GALNT13: variants seen among roughly 807,000 people sequenced by gnomAD.
The protein encoded by GALNT13 is UDP-GalNAc:polypeptide N-acetylgalactosaminyltransferase 13.
In GALNT13, 28 loss-of-function variants were observed where a neutral mutation model predicts 64.2. That is an observed-to-expected ratio of 0.44 (90% confidence interval 0.32 to 0.60). The LOEUF is 0.60. Ranked by LOEUF, GALNT13 falls within the 20% of genes least tolerant of loss-of-function variation. The pLI is 0.05. For missense variants in GALNT13, 577 were observed against 669.8 expected, an observed-to-expected ratio of 0.86 and a Z score of 1.53; for synonymous variants, 214 against 224.6, an observed-to-expected ratio of 0.95 and a Z score of 0.42.
chr2:153,516,392 A>G, the GALNT13 span, among the ~76,000 whole-genome samples: 1 of 152,162 alleles, frequency 6.6e-6, no homozygotes, highest in Non-Finnish European at 1.5e-5. Context: ...GAACTGACCA[A>G]TTAGGAGTTA....
chr2:153,547,764 G>T, the GALNT13 span, among the ~76,000 whole-genome samples: 4 of 152,156 alleles, frequency 2.6e-5, no homozygotes, highest in Admixed American at 6.5e-5. Flanking sequence ...ATATTACTGG[G>T]CAAGATAAGA....
chr2:153,570,626 A>G, the GALNT13 span, among the ~76,000 whole-genome samples: 2 of 152,042 alleles, frequency 1.3e-5, no homozygotes. Flanking sequence ...TTTTGATTTG[A>G]TTTTTGAATT....
chr2:153,704,991 A>G, the GALNT13 span, among the ~76,000 whole-genome samples: 1 of 152,212 alleles, frequency 6.6e-6, no homozygotes, highest in Non-Finnish European at 1.5e-5. Flanking sequence ...TTATACTGAT[A>G]GTTAATTTTG....
intron 3 of GALNT13, among the ~76,000 whole-genome samples, chr2:154,103,398 A>G (rs1362344960): frequency 6.6e-6 from 1 of 152,020 alleles, no homozygotes; most frequent in Non-Finnish European, 1.5e-5. Context: ...TGATTCATTT[A>G]TTATTTTGTG....
intron 3 of GALNT13, among the ~76,000 whole-genome samples, chr2:154,032,969 A>G (rs892460428): frequency 2.0e-5 from 3 of 149,680 alleles, no homozygotes; most frequent in Non-Finnish European, 3.0e-5. Context: ...GATTTTCTAC[A>G]TAGAAACCAT....
At chr2:153,713,167 A>C in the GALNT13 span, among the ~76,000 whole-genome samples, 1 of 152,188 alleles carries the variant, frequency 6.6e-6, no homozygotes, top group South Asian at 2.1e-4. Flanking sequence ...TGGTATAGTA[A>C]TATTGTCCCT....
chr2:154,227,072 TG>T (rs1238217964), intron 4 of GALNT13, among the ~76,000 whole-genome samples: 16 of 152,098 alleles, frequency 1.1e-4, no homozygotes, highest in African/African-American at 3.9e-4. Context: ...ACTGTTCCTC[TG>T]GCAACAGAAC....
intron 3 of GALNT13, among the ~76,000 whole-genome samples, chr2:154,099,767 C>G (rs1047576378): frequency 2.2e-4 from 33 of 152,186 alleles, no homozygotes; most frequent in African/African-American, 6.7e-4. Flanking sequence ...GTGAAACCCT[C>G]TCTCTACAAA....
At chr2:153,604,137 T>C in the GALNT13 span, among the ~76,000 whole-genome samples, 1 of 152,136 alleles carries the variant, frequency 6.6e-6, no homozygotes, top group South Asian at 2.1e-4. Context: ...TTTCCAAAGA[T>C]TTTTCCTTTT....
chr2:153,869,083 C>T (rs1685808956), upstream of GALNT13, among the ~76,000 whole-genome samples: 1 of 152,102 alleles, frequency 6.6e-6, no homozygotes, highest in African/African-American at 2.4e-5. Flanking sequence ...GCCACATTTG[C>T]ATCATCATTC....
At chr2:154,337,664 G>A (rs1695531700) in intron 9 of GALNT13, among the ~76,000 whole-genome samples, 2 of 152,046 alleles carry the variant, frequency 1.3e-5, no homozygotes, top group Non-Finnish European at 2.9e-5. Context: ...TTTGAGCAAT[G>A]TATTTTACAT....
chr2:153,579,352 T>G, the GALNT13 span, among the ~76,000 whole-genome samples: 1 of 152,144 alleles, frequency 6.6e-6, no homozygotes. Context: ...GCATTTTATT[T>G]GTAACCAAGA....
the GALNT13 span, among the ~76,000 whole-genome samples, chr2:153,337,305 C>T: frequency 6.6e-6 from 1 of 152,196 alleles, no homozygotes; most frequent in East Asian, 1.9e-4. Flanking sequence ...TACCATTGCT[C>T]ATTCTTTTCC....
chr2:154,297,272 T>A (rs543753997), intron 8 of GALNT13, among the ~76,000 whole-genome samples: 1 of 152,152 alleles, frequency 6.6e-6, no homozygotes, highest in Admixed American at 6.5e-5. Context: ...GCAAGACAAT[T>A]AAGAGTCTGT....
chr2:153,182,083 G>A, the GALNT13 span, among the ~76,000 whole-genome samples: 9 of 148,718 alleles, frequency 6.1e-5, no homozygotes, highest in Admixed American at 2.0e-4. Context: ...TCGCTCTGTC[G>A]CCCAGGCTGG....
the GALNT13 span, among the ~76,000 whole-genome samples, chr2:153,373,132 T>TTGTGTGTGTG: frequency 0.21 from 31,807 of 148,656 alleles, 3,991 homozygotes; most frequent in Non-Finnish European, 0.3. Flanking sequence ...TTCTGTTGCT[T>TTGTGTGTGTG]TGTGTGTGTG....
Position 154,372,018 on chromosome 2 carries a change from A to G in GALNT13, c.1157-23973A>G, listed in dbSNP as rs533846022. Among the ~76,000 whole-genome samples, 466 of 152,248 alleles carry G rather than the reference A, an allele frequency of 3.1e-3. 4 individuals are homozygous for G. The highest frequency in any genetic ancestry group is 0.01 in the African/African-American group (430 of 41,558). On this transcript the variant is annotated intron_variant, in intron 9 of 12. Coordinates refer to ENST00000392825, the MANE Select transcript of GALNT13 (RefSeq NM_052917.4). ...AATTCATTGCCTAAACTGATATTCA[A>G]TGAGTTATTACAACATATTAGGAAG...
chr2:154,020,142 T>G (rs1298918738), intron 3 of GALNT13, among the ~76,000 whole-genome samples: 1 of 152,230 alleles, frequency 6.6e-6, no homozygotes, highest in African/African-American at 2.4e-5. Context: ...CTATTGTGAA[T>G]AGTGCCGCAA....
At chr2:154,387,383 A>G (rs1243298695) in intron 9 of GALNT13, among the ~76,000 whole-genome samples, 3 of 152,168 alleles carry the variant, frequency 2.0e-5, no homozygotes, top group African/African-American at 7.2e-5. Flanking sequence ...CACAAACAGT[A>G]TGGAATAAAT....
Sources: allele counts gnomAD v4.1 joint callset (sites outside exome capture counted in the v4.1 genomes callset), GRCh38; gene constraint gnomAD v4.1.1; transcripts MANE v1.5; gene names NCBI Gene and HGNC (gene_info 2026-07-23, HGNC 2026-07-21).